The following NRXN1 variants were observed in gnomAD, a reference collection of about 807,000 sequenced individuals.
The protein encoded by NRXN1 is neurexin 1, also known as neurexin-1.
Under a neutral mutation model 150.9 loss-of-function variants are expected in NRXN1, and 39 were observed. The ratio of observed to expected loss-of-function variants is 0.26; its 90% confidence interval spans 0.20 to 0.34. The LOEUF (loss-of-function observed/expected upper bound fraction) is 0.34. Among genes scored for constraint, NRXN1 ranks in the 10% least tolerant of loss-of-function variants. NRXN1 has a pLI of 1.00. For synonymous variants in NRXN1, 924 were observed against 757.0 expected, an observed-to-expected ratio of 1.22 and a Z score of -3.62; for missense variants, 1,815 against 1,949.9, an observed-to-expected ratio of 0.93 and a Z score of 1.30.
intron 5 of NRXN1, among the ~76,000 whole-genome samples, chr2:50,815,788 A>G (rs1668844474): frequency 6.6e-6 from 1 of 152,174 alleles, no homozygotes; most frequent in Non-Finnish European, 1.5e-5. Flanking sequence ...ACGCTATTTT[A>G]TCTATAGAAT....
At chr2:50,250,690 A>G (rs2066955184) in intron 17 of NRXN1, among the ~76,000 whole-genome samples, 1 of 152,076 alleles carries the variant, frequency 6.6e-6, no homozygotes, top group South Asian at 2.1e-4. Flanking sequence ...TATTAATGTC[A>G]TAAGAAAGAC....
At chr2:50,021,119 T>C (rs1687497699) in intron 21 of NRXN1, among the ~76,000 whole-genome samples, 1 of 152,218 alleles carries the variant, frequency 6.6e-6, no homozygotes, top group Non-Finnish European at 1.5e-5. Context: ...TTTTGCAAAG[T>C]GTTGAATTCC....
At chr2:50,491,472 G>A (rs2091249407) in intron 15 of NRXN1, among the ~76,000 whole-genome samples, 1 of 152,182 alleles carries the variant, frequency 6.6e-6, no homozygotes, top group African/African-American at 2.4e-5. Context: ...ATAGCAGGCA[G>A]TTGCCTTCAG....
chr2:50,472,483 T>A lies in NRXN1; in HGVS notation c.3071-12A>T. On this transcript the variant is annotated splice_polypyrimidine_tract_variant and intron_variant, in intron 15 of 22. Transcript: ENST00000401669. ...TATATATAAGTCACCTGCAAGAAGA[T>A]CAAAGTCTTTGTTACAAAAGTACCA... is the stretch of plus-strand genomic sequence containing the variant. 6.2e-7 allele frequency: 1 copy of A among 1,606,400 alleles called. No individual in the cohort carries two copies. The highest frequency in any genetic ancestry group is 1.3e-5 in the African/African-American group (1 of 74,640).
intron 5 of NRXN1, among the ~76,000 whole-genome samples, chr2:50,814,959 T>C (rs940310354): frequency 6.6e-6 from 1 of 151,430 alleles, no homozygotes; most frequent in African/African-American, 2.4e-5. Flanking sequence ...TTCTACGACA[T>C]AGAATAAGGA....
At chr2:50,926,933 T>C (rs1199212090) in intron 2 of NRXN1, among the ~76,000 whole-genome samples, 2 of 151,784 alleles carry the variant, frequency 1.3e-5, no homozygotes, top group African/African-American at 2.4e-5. Flanking sequence ...TAGTGGAAAA[T>C]TCAAGTTCTA....
chr2:50,187,777 T>C (rs11896347), intron 18 of NRXN1, among the ~76,000 whole-genome samples: 38,402 of 151,896 alleles, frequency 0.25, 6,082 homozygotes, highest in African/African-American at 0.42. Context: ...GTTTGTAGTT[T>C]TCCTTGAAGA....
intron 18 of NRXN1, among the ~76,000 whole-genome samples, chr2:50,126,930 A>C (rs993862143): frequency 6.6e-6 from 1 of 152,198 alleles, no homozygotes; most frequent in Non-Finnish European, 1.5e-5. Flanking sequence ...CTCAAGCTGC[A>C]ATAATATTTA....
chr2:50,442,713 A>G (rs1388634159), intron 17 of NRXN1, among the ~76,000 whole-genome samples: 2 of 152,138 alleles, frequency 1.3e-5, no homozygotes, highest in African/African-American at 4.8e-5. Flanking sequence ...AATGGATGAG[A>G]TTAGTTGGAC....
At chr2:50,031,355 G>C (rs1312827410) in intron 21 of NRXN1, among the ~76,000 whole-genome samples, 1 of 151,824 alleles carries the variant, frequency 6.6e-6, no homozygotes, top group Non-Finnish European at 1.5e-5. Flanking sequence ...AGAATCCAAA[G>C]AAATATCTCA....
chr2:50,572,437 A>C (rs756046906), intron 8 of NRXN1, among the ~76,000 whole-genome samples: 4 of 152,180 alleles, frequency 2.6e-5, no homozygotes, highest in Non-Finnish European at 5.9e-5. Context: ...GGTTTCTTTC[A>C]TAAGAATAGA....
At chr2:50,870,333 G>A (rs973580567) in intron 5 of NRXN1, among the ~76,000 whole-genome samples, 1 of 151,628 alleles carries the variant, frequency 6.6e-6, no homozygotes, top group African/African-American at 2.4e-5. Context: ...GTCAATCATT[G>A]AGTCTTCTTT....
At chr2:50,265,998 ATTTATTTTT>A (rs1406009199) in intron 17 of NRXN1, among the ~76,000 whole-genome samples, 16 of 109,940 alleles carry the variant, frequency 1.5e-4, no homozygotes, top group Admixed American at 6.1e-4. Context: ...TATTATTATT[ATTTATTTTT>A]TTTTTTTTTG....
chr2:50,604,065 C>A (rs1420648307), intron 8 of NRXN1, among the ~76,000 whole-genome samples: 1 of 151,112 alleles, frequency 6.6e-6, no homozygotes, highest in East Asian at 1.9e-4. Flanking sequence ...CTTAATTCTA[C>A]CTTTGAAGAA....
intron 5 of NRXN1, among the ~76,000 whole-genome samples, chr2:50,866,878 A>G (rs1256155944): frequency 1.3e-5 from 2 of 151,922 alleles, no homozygotes; most frequent in Non-Finnish European, 2.9e-5. Context: ...AGGTCTGATG[A>G]GATGAGCACA....
intron 17 of NRXN1, among the ~76,000 whole-genome samples, chr2:50,402,734 G>C (rs942509611): frequency 7.2e-5 from 11 of 152,100 alleles, no homozygotes; most frequent in African/African-American, 2.4e-4. Context: ...TTTTATGCGT[G>C]AAGAATCCCA....
intron 17 of NRXN1, among the ~76,000 whole-genome samples, chr2:50,334,807 C>T (rs1461438798): frequency 1.1e-4 from 16 of 152,192 alleles, no homozygotes; most frequent in Admixed American, 8.5e-4. Context: ...ATAGATTAAA[C>T]TTATTGCTGG....
intron 5 of NRXN1, among the ~76,000 whole-genome samples, chr2:50,733,777 AG>A (rs1173362432): frequency 3.3e-5 from 5 of 152,176 alleles, no homozygotes; most frequent in Admixed American, 1.3e-4. Context: ...ATTTTCAAAA[AG>A]TTTACTCAAT....
intron 2 of NRXN1, among the ~76,000 whole-genome samples, chr2:51,017,887 T>C (rs1385274465): frequency 1.3e-5 from 2 of 152,082 alleles, no homozygotes; most frequent in Admixed American, 6.6e-5. Context: ...GTTTCTTCCA[T>C]ACAACAACTA....
Sources: gnomAD v4.1 joint callset for allele counts (sites outside exome capture counted in the v4.1 genomes callset) on GRCh38, gnomAD v4.1.1 for gene constraint, MANE v1.5 for transcripts, NCBI Gene and HGNC (gene_info 2026-07-23, HGNC 2026-07-21) for gene names.